Variants in SHC4 observed in about 807,000 individuals in gnomAD.
SHC4 encodes SHC-transforming protein 4.
SHC4 carries 41 observed loss-of-function variants against 69.4 expected under a neutral mutation model. That is an observed-to-expected ratio of 0.59 (90% confidence interval 0.46 to 0.77). The LOEUF (loss-of-function observed/expected upper bound fraction) is 0.77. Ranked by LOEUF, SHC4 falls within the 30% of genes least tolerant of loss-of-function variation. The pLI is 0.00. For missense variants in SHC4, 777 were observed against 783.8 expected, an observed-to-expected ratio of 0.99 and a Z score of 0.10; for synonymous variants, 318 against 299.3, an observed-to-expected ratio of 1.06 and a Z score of -0.64.
intron 2 of SHC4, among the ~76,000 whole-genome samples, chr15:48,891,509 A>G (rs1900137682): frequency 6.6e-6 from 1 of 152,222 alleles, no homozygotes. Context: ...TCCTTTCCAG[A>G]AATGCAGTTA....
intron 1 of SHC4, among the ~76,000 whole-genome samples, chr15:48,953,315 G>A (rs2141040541): frequency 6.6e-6 from 1 of 152,080 alleles, no homozygotes; most frequent in Non-Finnish European, 1.5e-5. Flanking sequence ...TAACTAATGG[G>A]TACCAGGCTT....
At chr15:48,880,207 C>CA (rs1353219265) in intron 4 of SHC4, 1 of 166,886 alleles carries the variant, frequency 6.0e-6, no homozygotes, top group African/African-American at 2.4e-5. Flanking sequence ...ATTTTATGGT[C>CA]ATCCTGTCTT....
chr15:48,848,841 A>C (rs1241235560), intron 9 of SHC4, among the ~76,000 whole-genome samples: 1 of 152,096 alleles, frequency 6.6e-6, no homozygotes, highest in African/African-American at 2.4e-5. Context: ...TTTTTTTTTA[A>C]TTAATCAAGT....
intron 10 of SHC4, among the ~76,000 whole-genome samples, chr15:48,842,160 T>G (rs902976747): frequency 6.6e-6 from 1 of 152,216 alleles, no homozygotes; most frequent in African/African-American, 2.4e-5. Flanking sequence ...TGTTTTATTT[T>G]TATTTATGTT....
Position 48,963,504 on chromosome 15 carries a change from G to A in SHC4, c.-489C>T, listed in dbSNP as rs969811071. 1.8e-4 allele frequency: 29 copies of A among 160,918 alleles called. No individual in the cohort carries two copies. The highest frequency in any genetic ancestry group is 7.0e-4 in the African/African-American group (29 of 41,704). 10.0% of individuals were successfully genotyped at this position (160,918 alleles called of 1,614,324 possible). On this transcript the variant is annotated 5_prime_UTR_variant, in exon 1 of 12. Transcript: ENST00000332408. The stretch of plus-strand genomic sequence containing the variant: ...TCTCACAGGGCGGGGCAAATGACTG[G>A]CCTATTAACCCTTTATTTGTTCCAG...
intron 10 of SHC4, among the ~76,000 whole-genome samples, chr15:48,838,767 T>C (rs984659308): frequency 1.3e-5 from 2 of 152,240 alleles, no homozygotes; most frequent in South Asian, 2.1e-4. Flanking sequence ...CTTGATATAA[T>C]AGAAAGTAGC....
chr15:48,949,002 A>T (rs1251687103), intron 1 of SHC4, among the ~76,000 whole-genome samples: 1 of 152,140 alleles, frequency 6.6e-6, no homozygotes, highest in Non-Finnish European at 1.5e-5. Flanking sequence ...CCCTCTCAAC[A>T]CTGCTTGTCC....
chr15:48,942,218 T>C (rs1312167644), intron 1 of SHC4, among the ~76,000 whole-genome samples: 1 of 152,184 alleles, frequency 6.6e-6, no homozygotes, highest in Non-Finnish European at 1.5e-5. Flanking sequence ...AACTTTGTGA[T>C]GGACGACACT....
At chr15:48,885,379 A>C (rs188253585) in intron 3 of SHC4, among the ~76,000 whole-genome samples, 27 of 152,360 alleles carry the variant, frequency 1.8e-4, no homozygotes, top group African/African-American at 6.0e-4. Context: ...AAGATTAAAT[A>C]ATAACTAGAG....
At chr15:48,867,948 C>T in intron 5 of SHC4, 79 bp from the exon 6 acceptor site, 1 of 1,178,344 alleles carries the variant, frequency 8.5e-7, no homozygotes, top group Non-Finnish European at 1.2e-6. Context: ...GGACATGATA[C>T]TGAGGCAAGG....
chr15:48,918,756 A>C (rs1900679232), intron 2 of SHC4, among the ~76,000 whole-genome samples: 1 of 152,266 alleles, frequency 6.6e-6, no homozygotes, highest in African/African-American at 2.4e-5. Context: ...ACACCAAGGA[A>C]TTCACCATTA....
At chr15:48,859,821 A>G (rs1391247380) in intron 6 of SHC4, among the ~76,000 whole-genome samples, 1 of 152,192 alleles carries the variant, frequency 6.6e-6, no homozygotes, top group South Asian at 2.1e-4. Flanking sequence ...TCATATCCGG[A>G]GACCTAAAAA....
At chr15:48,899,102 C>A (rs1429731564) in intron 2 of SHC4, among the ~76,000 whole-genome samples, 1 of 150,988 alleles carries the variant, frequency 6.6e-6, no homozygotes, top group African/African-American at 2.4e-5. Flanking sequence ...TTTATTCACT[C>A]AAGCTCACTC....
intron 4 of SHC4, among the ~76,000 whole-genome samples, chr15:48,881,353 A>C (rs887100693): frequency 3.3e-5 from 5 of 149,796 alleles, no homozygotes; most frequent in Non-Finnish European, 7.4e-5. Flanking sequence ...TATGTAGCCA[A>C]CAAACAAACA....
intron 4 of SHC4, chr15:48,878,796 A>G (rs143754791): frequency 1.4e-4 from 218 of 1,505,038 alleles, no homozygotes; most frequent in Non-Finnish European, 1.8e-4. Flanking sequence ...ACTTTCCGCT[A>G]TCTTTTGGGT....
Position 48,940,525 on chromosome 15 carries a change from C to G in SHC4, c.586-15576G>C, listed in dbSNP as rs575677986. Among the ~76,000 whole-genome samples the G allele has an allele frequency of 2.0e-5, 3 of 151,904 alleles. No individual in the cohort carries two copies. The South Asian group carries it at 6.2e-4, about 31-fold the overall frequency. ...CAAGGTAGACAAACAGCAGCTCCAT[C>G]AAACTTTCTTCTACTCCATTTTCCG... is the stretch of plus-strand genomic sequence containing the variant. On this transcript the variant is annotated intron_variant, in intron 1 of 11. Coordinates refer to ENST00000332408, the MANE Select transcript of SHC4 (RefSeq NM_203349.4).
At chr15:48,916,023 A>G (rs1411302176) in intron 2 of SHC4, among the ~76,000 whole-genome samples, 4 of 152,138 alleles carry the variant, frequency 2.6e-5, no homozygotes, top group Non-Finnish European at 5.9e-5. Flanking sequence ...CAACTACTCC[A>G]AGGCTTAGCA....
At chr15:48,871,938 G>T in intron 5 of SHC4, 151 bp downstream of exon 5, 1 of 562,686 alleles carries the variant, frequency 1.8e-6, no homozygotes, top group South Asian at 2.1e-5. Context: ...GCTACATGTA[G>T]CTATTCACAG....
chr15:48,839,793 G>A (rs1205001351), intron 10 of SHC4, among the ~76,000 whole-genome samples: 2 of 152,158 alleles, frequency 1.3e-5, no homozygotes, highest in Non-Finnish European at 2.9e-5. Context: ...TCTTCCTTGG[G>A]GAGAAGGCAA....
Sources: gnomAD v4.1 joint callset for allele counts (sites outside exome capture counted in the v4.1 genomes callset) on GRCh38, gnomAD v4.1.1 for gene constraint, MANE v1.5 for transcripts, NCBI Gene and HGNC (gene_info 2026-07-23, HGNC 2026-07-21) for gene names.